PCDHA5: variants seen among roughly 807,000 people sequenced by gnomAD.
PCDHA5 encodes protocadherin alpha 5.
In PCDHA5, 43 loss-of-function variants were observed where a neutral mutation model predicts 61.6. The ratio of observed to expected loss-of-function variants is 0.70; its 90% confidence interval spans 0.55 to 0.90. The LOEUF is 0.90. PCDHA5 is among the 40% of genes least tolerant of loss of function. The pLI is 0.00. For missense variants in PCDHA5, 1,298 were observed against 1,222.7 expected, an observed-to-expected ratio of 1.06 and a Z score of -0.92; for synonymous variants, 627 against 543.9, an observed-to-expected ratio of 1.15 and a Z score of -2.13.
chr5:140,988,024 A>G (rs2153870091), intron 3 of PCDHA5, among the ~76,000 whole-genome samples: 1 of 152,316 alleles, frequency 6.6e-6, no homozygotes, highest in East Asian at 1.9e-4. Flanking sequence ...ATGATTCTTA[A>G]GTTTTTTAGA....
chr5:140,852,816 A>C, intron 1 of PCDHA5: 2 of 972,756 alleles, frequency 2.1e-6, no homozygotes, highest in Non-Finnish European at 1.2e-6. Flanking sequence ...CTCCCGCCCT[A>C]AGTCCTCCAG....
chr5:140,988,059 T>C (rs1587274242), intron 3 of PCDHA5, among the ~76,000 whole-genome samples: 1 of 152,324 alleles, frequency 6.6e-6, no homozygotes, highest in East Asian at 1.9e-4. Flanking sequence ...ACTGTCAACA[T>C]GAATTTTTCT....
At position 140,822,763 on chromosome 5, in the gene PCDHA5, T is replaced by A; in HGVS notation, c.988T>A (p.Ser330Thr). Residue 330 changes from serine (S) to threonine (T), a missense_variant, in exon 1 of 4, where the codon TCA becomes ACA. By Grantham distance (58) the Ser-to-Thr change is moderately conservative (BLOSUM62 1). Coordinates refer to ENST00000529859, the MANE Select transcript of PCDHA5 (RefSeq NM_018908.3). ...CATGGATAAAAGTACATTCCCATTA[T>A]CAGGACACTGTAAAGTAGTAGTGAA... Reference protein sequence around the residue: ...DAMDKSTFPLSGHCKVVVKLL... With the variant: ...DAMDKSTFPLTGHCKVVVKLL... The A allele has an allele frequency of 6.2e-7, 1 of 1,614,086 alleles. No homozygotes were observed. The highest frequency in any genetic ancestry group is 8.5e-7 in the Non-Finnish European group (1 of 1,179,912).
At chr5:140,926,998 G>C in intron 1 of PCDHA5, 1 of 1,612,288 alleles carries the variant, frequency 6.2e-7, no homozygotes, top group Non-Finnish European at 8.5e-7. Flanking sequence ...GGGCGTAGCC[G>C]TAGGCAATCT....
At position 140,830,439 on chromosome 5, in the gene PCDHA5, T is replaced by A. The variant is rs1771065522; in HGVS notation, c.2352+6312T>A. On this transcript the variant is annotated intron_variant, in intron 1 of 3. Coordinates refer to ENST00000529859, the MANE Select transcript of PCDHA5 (RefSeq NM_018908.3). ...AGCCTTTCACCTTGTCCTATTATGA[T>A]GGGTAAGGCGGAGAATCAGGATTTA... 1.9e-6 allele frequency: 3 copies of A among 1,611,160 alleles called. No individual in the cohort carries two copies. In the East Asian group the frequency reaches 6.7e-5, roughly 36 times the overall value.
intron 1 of PCDHA5, chr5:140,868,711 A>G (rs2050603151): frequency 1.1e-5 from 2 of 187,754 alleles, no homozygotes; most frequent in Non-Finnish European, 2.2e-5. Flanking sequence ...AGACACAATA[A>G]TTTAAATTTG....
chr5:140,855,965 A>G (rs2043700176), intron 1 of PCDHA5: 1 of 1,417,586 alleles, frequency 7.1e-7, no homozygotes, highest in Non-Finnish European at 9.6e-7. Flanking sequence ...AAAAATAGAT[A>G]TAAGAAATAG....
At chr5:140,842,005 G>A (rs1777641474) in intron 1 of PCDHA5, 2 of 1,613,756 alleles carry the variant, frequency 1.2e-6, no homozygotes, top group Non-Finnish European at 1.7e-6. Context: ...CTGTTCAGCT[G>A]CTGGTCACAG....
intron 1 of PCDHA5, chr5:140,876,604 G>A: frequency 6.2e-7 from 1 of 1,614,204 alleles, no homozygotes; most frequent in Non-Finnish European, 8.5e-7. Flanking sequence ...GTCGGATCGT[G>A]ACTCTGGAGC....
chr5:140,934,709 C>T (rs991669354), intron 1 of PCDHA5, among the ~76,000 whole-genome samples: 2 of 152,084 alleles, frequency 1.3e-5, no homozygotes, highest in Non-Finnish European at 1.5e-5. Flanking sequence ...GGCCATCTTA[C>T]AAAAAGGACC....
At chr5:140,936,340 C>T (rs1346812812) in intron 1 of PCDHA5, among the ~76,000 whole-genome samples, 1 of 152,102 alleles carries the variant, frequency 6.6e-6, no homozygotes, top group Non-Finnish European at 1.5e-5. Flanking sequence ...TCTCTATCTG[C>T]ATATATGGAA....
chr5:140,829,328 C>A (rs782173510), intron 1 of PCDHA5: 1 of 1,614,244 alleles, frequency 6.2e-7, no homozygotes, highest in East Asian at 2.2e-5. Context: ...GGACAGTGCC[C>A]TGGACCGCGA....
chr5:140,830,306 C>T, intron 1 of PCDHA5: 11 of 1,613,980 alleles, frequency 6.8e-6, no homozygotes, highest in Non-Finnish European at 9.3e-6. Context: ...CAAGCCCACG[C>T]TGGTGTGCTC....
chr5:140,868,857 T>A (rs2050685848), intron 1 of PCDHA5: 1 of 499,740 alleles, frequency 2.0e-6, no homozygotes, highest in Admixed American at 3.8e-5. Context: ...TCTGTGGTGG[T>A]AAATGCAGTG....
intron 1 of PCDHA5, chr5:140,828,910 G>A (rs2150160654): frequency 6.2e-7 from 1 of 1,613,410 alleles, no homozygotes; most frequent in Non-Finnish European, 8.5e-7. Context: ...ATGAAGGAGC[G>A]AATGGGGCAA....
chr5:140,857,788 G>GCTGC, intron 1 of PCDHA5: 1 of 1,597,732 alleles, frequency 6.3e-7, no homozygotes, highest in South Asian at 1.1e-5. Flanking sequence ...GTGAGCTGGT[G>GCTGC]CTGCGGTCGG....
chr5:140,850,473 A>T lies in PCDHA5; in HGVS notation c.2352+26346A>T, dbSNP rs1320071862. 8.8e-6 allele frequency: 14 copies of T among 1,597,572 alleles called. 1 individual carries two copies. The highest frequency in any genetic ancestry group is 1.2e-5 in the Non-Finnish European group (14 of 1,167,568). On this transcript the variant is annotated intron_variant, in intron 1 of 3. Transcript: ENST00000529859. ...GAAAGACCACGGGGAGCCAGCGCTGACGGCCACGGCCACTGTGCTGGTGTC... is the reference window on the plus strand; with the variant it reads ...GAAAGACCACGGGGAGCCAGCGCTGTCGGCCACGGCCACTGTGCTGGTGTC...
chr5:140,822,672 TG>T lies in PCDHA5; in HGVS notation c.898del (p.Glu300LysfsTer2). 1 of 1,608,506 alleles carries T rather than the reference TG, an allele frequency of 6.2e-7. No homozygotes were observed. The highest frequency in any genetic ancestry group is 8.5e-7 in the Non-Finnish European group (1 of 1,175,734). On this transcript the variant is annotated frameshift_variant, in exon 1 of 4. Coordinates refer to ENST00000529859, the MANE Select transcript of PCDHA5 (RefSeq NM_018908.3). LOFTEE classifies it high-confidence loss of function. ...SKFIINSNTG[E>X]IKVNGELDYE... is the part of the protein sequence containing the mutation. ...AATTTATAATTAATTCTAATACTGG[TG>T]AAATAAAAGTTAACGGGGAACTGGA...
intron 3 of PCDHA5, among the ~76,000 whole-genome samples, chr5:140,987,254 T>C (rs1358606591): frequency 1.3e-5 from 2 of 151,878 alleles, no homozygotes; most frequent in Non-Finnish European, 1.5e-5. Flanking sequence ...AAAGACATTC[T>C]CAGGAATGGG....
Sources: gnomAD v4.1 joint callset for allele counts (sites outside exome capture counted in the v4.1 genomes callset) on GRCh38, gnomAD v4.1.1 for gene constraint, MANE v1.5 for transcripts, NCBI Gene and HGNC (gene_info 2026-07-23, HGNC 2026-07-21) for gene names.